ACSBG2: variants seen among roughly 807,000 people sequenced by gnomAD.
ACSBG2 encodes long-chain-fatty-acid--CoA ligase ACSBG2.
Under a neutral mutation model 74.7 loss-of-function variants are expected in ACSBG2, and 62 were observed. That is an observed-to-expected ratio of 0.83 (90% CI 0.68 to 1.03). The LOEUF (loss-of-function observed/expected upper bound fraction) is 1.03. Ranked by LOEUF, ACSBG2 falls within the 50% of genes least tolerant of loss-of-function variation. The pLI is 0.00. For synonymous variants in ACSBG2, 309 were observed against 294.1 expected, an observed-to-expected ratio of 1.05 and a Z score of -0.52; for missense variants, 730 against 817.6, an observed-to-expected ratio of 0.89 and a Z score of 1.31.
chr19:6,156,375 C>T, intron 4 of ACSBG2, 56 bp from the exon 5 acceptor site: 1 of 1,518,788 alleles, frequency 6.6e-7, no homozygotes, highest in South Asian at 1.3e-5. Context: ...CCTTCCAGAC[C>T]ATTCTGCCTT....
chr19:6,141,828 G>A (rs2088851775), intron 2 of ACSBG2, among the ~76,000 whole-genome samples: 2 of 151,554 alleles, frequency 1.3e-5, no homozygotes, highest in South Asian at 4.2e-4. Flanking sequence ...TGACCTTCCA[G>A]GCTCAAGTGA....
chr19:6,186,058 CTT>C (rs11377799), intron 11 of ACSBG2, among the ~76,000 whole-genome samples: 27 of 147,126 alleles, frequency 1.8e-4, no homozygotes, highest in African/African-American at 3.5e-4. Flanking sequence ...AACAGTTTTA[CTT>C]TTTTTTTTTT....
At position 6,181,364 on chromosome 19, in the gene ACSBG2, A is replaced by AAGAAAGG. The variant is rs1194398268; in HGVS notation, c.907-1378_907-1372dup. Among the ~76,000 whole-genome samples the AAGAAAGG allele has an allele frequency of 1.2e-4, 18 of 151,990 alleles. 1 individual carries two copies. Among genetic ancestry groups the AAGAAAGG allele is most frequent in the African/African-American group, 3.9e-4 (16 of 41,458 alleles). ...AGGAAGGAAGGAAGAAAGAAAAAGA[A>AAGAAAGG]AGAAAGGAGAAAGGAAAAAAATTAA... On this transcript the variant is annotated intron_variant, in intron 8 of 14. Coordinates refer to ENST00000588485, the MANE Select transcript of ACSBG2 (RefSeq NM_030924.5).
Position 6,190,594 on chromosome 19 carries a change from GAAACTT to G in ACSBG2, c.1941_1946del (p.Leu648_Lys649del). 1 of 1,613,906 alleles carries G rather than the reference GAAACTT, an allele frequency of 6.2e-7. No individual in the cohort carries two copies. Among genetic ancestry groups the G allele is most frequent in the East Asian group, 2.2e-5 (1 of 44,884 alleles). ...CTCCTTTCTCGATAGGTCCAATGAT[GAAACTT>G]AAGAGACATTTTGTAGCCCAGAAAT... is the stretch of plus-strand genomic sequence containing the variant. On this transcript the variant is annotated inframe_deletion, in exon 14 of 15. Coordinates refer to ENST00000588485, the MANE Select transcript of ACSBG2 (RefSeq NM_030924.5).
At chr19:6,155,179 T>A (rs1408659944) in intron 4 of ACSBG2, among the ~76,000 whole-genome samples, 2 of 152,090 alleles carry the variant, frequency 1.3e-5, no homozygotes, top group South Asian at 2.1e-4. Context: ...CATGCATACA[T>A]GGTCACTGGC....
intron 5 of ACSBG2, chr19:6,160,865 C>T (rs28730466): frequency 0.67 from 113,718 of 170,828 alleles, 38,387 homozygotes; most frequent in Admixed American, 0.72. Context: ...TTTGGGAGGC[C>T]GAGGCGGGGG....
intron 8 of ACSBG2, among the ~76,000 whole-genome samples, chr19:6,181,367 A>T (rs1270596783): frequency 1.3e-5 from 2 of 151,850 alleles, no homozygotes; most frequent in African/African-American, 2.4e-5. Context: ...AAAAAGAAAG[A>T]AAGGAGAAAG....
At chr19:6,163,611 C>T (rs1179425620) in intron 6 of ACSBG2, among the ~76,000 whole-genome samples, 2 of 151,158 alleles carry the variant, frequency 1.3e-5, no homozygotes, top group African/African-American at 2.4e-5. Context: ...CGTGGTGGCA[C>T]GCACCTGTAG....
intron 8 of ACSBG2, among the ~76,000 whole-genome samples, chr19:6,179,975 AAT>A (rs2090199576): frequency 6.6e-6 from 1 of 152,268 alleles, no homozygotes; most frequent in Admixed American, 6.5e-5. Context: ...GGCTAAAATC[AAT>A]ATGTCATCAG....
In ACSBG2 at chr19:6,190,613, G is replaced by T. The variant is rs779495449; in HGVS notation, c.1957G>T (p.Val653Leu). Residue 653 changes from valine to leucine, a missense_variant, in exon 14 of 15, where the codon GTA (valine) becomes TTA (leucine). Transcript: ENST00000588485. ...AATGATGAAACTTAAGAGACATTTT[G>T]TAGCCCAGAAATACAAAAAACAAAT... ...GPMMKLKRHF[V>L]AQKYKKQIDH... 1.6e-5 allele frequency: 26 copies of T among 1,614,042 alleles called. No homozygotes were observed. Among genetic ancestry groups the T allele is most frequent in the Non-Finnish European group, 2.1e-5 (25 of 1,179,960 alleles).
chr19:6,139,967 T>C (rs1426586515), intron 1 of ACSBG2, among the ~76,000 whole-genome samples: 1 of 152,090 alleles, frequency 6.6e-6, no homozygotes, highest in Non-Finnish European at 1.5e-5. Context: ...CTCACGCCTG[T>C]CATCCCAGTA....
Position 6,180,730 on chromosome 19 carries a change from TTTA to T in ACSBG2, c.907-2009_907-2007del, listed in dbSNP as rs374024668. Among the ~76,000 whole-genome samples the T allele has an allele frequency of 2.6e-5, 4 of 152,184 alleles. No homozygotes were observed. Among genetic ancestry groups the T allele is most frequent in the African/African-American group, 7.2e-5 (3 of 41,440 alleles). ...TTCACTAACGCATGTTACTATCTGT[TTTA>T]TTATTATTATTGCCATTCTAATTTG... On this transcript the variant is annotated intron_variant, in intron 8 of 14. Coordinates refer to ENST00000588485, the MANE Select transcript of ACSBG2 (RefSeq NM_030924.5). This position sits in a 1 kb window ranked among gnomAD's most constrained non-coding sequence, Gnocchi z 4.3.
chr19:6,176,506 A>G, intron 7 of ACSBG2: 3 of 761,540 alleles, frequency 3.9e-6, no homozygotes, highest in South Asian at 2.7e-5. Context: ...ACACACACAC[A>G]CACACGCACT....
chr19:6,184,192 T>C (rs1020405172), intron 10 of ACSBG2, among the ~76,000 whole-genome samples: 7 of 152,220 alleles, frequency 4.6e-5, no homozygotes, highest in African/African-American at 1.7e-4. Flanking sequence ...GGTCCCTTTA[T>C]TATTGGTTTG....
intron 5 of ACSBG2, among the ~76,000 whole-genome samples, 162 bp from the exon 6 acceptor site, chr19:6,161,053 T>C (rs1262189477): frequency 4.0e-5 from 6 of 149,716 alleles, no homozygotes; most frequent in African/African-American, 1.5e-4. Flanking sequence ...TGAGCCGAGA[T>C]TGGGCCAATG....
intron 2 of ACSBG2, among the ~76,000 whole-genome samples, chr19:6,143,584 C>T (rs200937481): frequency 1.4e-5 from 2 of 145,596 alleles, no homozygotes; most frequent in African/African-American, 5.7e-5. Flanking sequence ...TAACCCACTA[C>T]AGTCATTAAA....
intron 10 of ACSBG2, 71 bp downstream of exon 10, chr19:6,183,343 G>T (rs2090316578): frequency 1.0e-5 from 14 of 1,352,958 alleles, no homozygotes; most frequent in Middle Eastern, 2.0e-4. Context: ...TGGGTGGATA[G>T]ATGGGCCTCT....
intron 6 of ACSBG2, among the ~76,000 whole-genome samples, chr19:6,161,837 C>G (rs2089632566): frequency 1.3e-5 from 2 of 152,054 alleles, no homozygotes; most frequent in African/African-American, 4.8e-5. Flanking sequence ...TGGCTAATTA[C>G]TGCTGGGCAA....
intron 14 of ACSBG2, 151 bp downstream of exon 14, chr19:6,190,843 ACACACACACT>A (rs2090546194): frequency 1.3e-5 from 7 of 559,122 alleles, no homozygotes; most frequent in Non-Finnish European, 2.3e-5. Context: ...ACACACACAC[ACACACACACT>A]CTTAGTTGCA....
Sources: allele counts gnomAD v4.1 joint callset (sites outside exome capture counted in the v4.1 genomes callset), GRCh38; gene constraint gnomAD v4.1.1; non-coding constraint Gnocchi (gnomAD v3.1); transcripts MANE v1.5; gene names NCBI Gene and HGNC (gene_info 2026-07-23, HGNC 2026-07-21).